Variants in ROBO2 observed in about 807,000 individuals in gnomAD.
ROBO2 encodes the protein roundabout guidance receptor 2, also known as roundabout homolog 2.
A neutral mutation model predicts 160.8 loss-of-function variants in ROBO2; 53 were observed. The ratio of observed to expected loss-of-function variants is 0.33; its 90% confidence interval spans 0.26 to 0.41. ROBO2 has a LOEUF of 0.41. Ranked by LOEUF, ROBO2 falls within the 10% of genes least tolerant of loss-of-function variation. ROBO2 has a pLI of 1.00. For missense variants in ROBO2, 1,577 were observed against 1,722.4 expected (o/e 0.92, Z 1.49); for synonymous variants, 664 against 611.7 (o/e 1.09, Z -1.26).
In ROBO2 at chr3:77,257,763, A is replaced by G. The variant is rs1259554203; in HGVS notation, c.388+159423A>G. Among the ~76,000 whole-genome samples the G allele has an allele frequency of 2.6e-5, 4 of 152,194 alleles. No homozygotes were observed. In the South Asian group the frequency reaches 6.2e-4, roughly 24 times the overall value. On this transcript the variant is annotated intron_variant, in intron 2 of 25. Coordinates refer to ENST00000461745, the Ensembl canonical transcript of ROBO2. ...TGATTTTCTAATTCCAACTTACAAG[A>G]TAAGAGATAAGTGGCGTAATTGAAG...
intron 2 of ROBO2, among the ~76,000 whole-genome samples, chr3:76,032,045 G>T (rs1219318502): frequency 6.6e-6 from 1 of 152,098 alleles, no homozygotes; most frequent in Non-Finnish European, 1.5e-5. Context: ...CCTGTTATTG[G>T]TCTATTCAGA....
intron 1 of ROBO2, among the ~76,000 whole-genome samples, chr3:75,918,595 A>C (rs2106805302): frequency 6.6e-6 from 1 of 152,292 alleles, no homozygotes; most frequent in South Asian, 2.1e-4. Context: ...CTTGATGGGA[A>C]TAGCATTGAA....
chr3:77,052,126 G>T, intron 1 of ROBO2, among the ~76,000 whole-genome samples: 1 of 152,142 alleles, frequency 6.6e-6, no homozygotes, highest in East Asian at 1.9e-4. Context: ...CACTGGTTTA[G>T]TCCCTTCTTA....
chr3:76,248,142 T>C (rs199853140), intron 2 of ROBO2, among the ~76,000 whole-genome samples: 1 of 151,140 alleles, frequency 6.6e-6, no homozygotes, highest in Non-Finnish European at 1.5e-5. Flanking sequence ...CATTACTGGG[T>C]ATATACCCAA....
intron 2 of ROBO2, among the ~76,000 whole-genome samples, chr3:77,236,597 T>A (rs937627763): frequency 3.3e-5 from 5 of 152,190 alleles, no homozygotes; most frequent in African/African-American, 1.2e-4. Context: ...TGGTAGGCAT[T>A]CTATGGACTT....
At chr3:76,621,467 G>C (rs180932110) in intron 2 of ROBO2, among the ~76,000 whole-genome samples, 34 of 152,312 alleles carry the variant, frequency 2.2e-4, no homozygotes, top group African/African-American at 6.5e-4. Flanking sequence ...ATGGTGAATA[G>C]CTCTGATGAT....
At chr3:77,015,515 C>T (rs1478254626) in intron 2 of ROBO2, among the ~76,000 whole-genome samples, 3 of 152,124 alleles carry the variant, frequency 2.0e-5, no homozygotes, top group Non-Finnish European at 4.4e-5. Flanking sequence ...TATAGCAGCT[C>T]TATGCAAATT....
chr3:76,850,903 C>A (rs969928481), intron 2 of ROBO2, among the ~76,000 whole-genome samples: 6 of 152,200 alleles, frequency 3.9e-5, no homozygotes, highest in Non-Finnish European at 8.8e-5. Flanking sequence ...GCAACAAGAA[C>A]ACTTGCCTTC....
chr3:76,985,274 A>T (rs1338500261), intron 2 of ROBO2, among the ~76,000 whole-genome samples: 1 of 152,144 alleles, frequency 6.6e-6, no homozygotes, highest in Non-Finnish European at 1.5e-5. Flanking sequence ...AATATTGGCT[A>T]TGAAATTTAT....
At chr3:76,289,896 T>C (rs1708719360) in intron 2 of ROBO2, among the ~76,000 whole-genome samples, 1 of 152,206 alleles carries the variant, frequency 6.6e-6, no homozygotes, top group Non-Finnish European at 1.5e-5. Flanking sequence ...TACTGTAGTC[T>C]TAGAATGTAG....
intron 2 of ROBO2, among the ~76,000 whole-genome samples, chr3:76,394,012 A>T (rs941011473): frequency 6.6e-6 from 1 of 152,126 alleles, no homozygotes; most frequent in African/African-American, 2.4e-5. Context: ...TTTTGAGCCT[A>T]TGTGTGTCTC....
intron 2 of ROBO2, among the ~76,000 whole-genome samples, chr3:77,319,210 A>G (rs1288601744): frequency 1.3e-5 from 2 of 152,210 alleles, no homozygotes; most frequent in Non-Finnish European, 2.9e-5. Flanking sequence ...AATCTAATGA[A>G]AGTAAAAGAT....
chr3:76,877,272 A>C (rs1183525884), intron 2 of ROBO2, among the ~76,000 whole-genome samples: 1 of 152,210 alleles, frequency 6.6e-6, no homozygotes, highest in Non-Finnish European at 1.5e-5. Context: ...GGTTCTAGTC[A>C]AAAGATGGTA....
intron 2 of ROBO2, among the ~76,000 whole-genome samples, chr3:76,591,023 G>A (rs1003016451): frequency 1.7e-4 from 26 of 152,120 alleles, no homozygotes; most frequent in African/African-American, 6.3e-4. Context: ...GAGGTTTGGG[G>A]TTGCCTACTC....
chr3:76,733,729 A>T (rs1051235398), intron 2 of ROBO2, among the ~76,000 whole-genome samples: 37 of 152,144 alleles, frequency 2.4e-4, no homozygotes, highest in African/African-American at 8.0e-4. Context: ...TTCATGTGGG[A>T]ATTTTTTTTG....
Position 76,491,204 on chromosome 3 carries a change from C to T in ROBO2, c.109+553602C>T, listed in dbSNP as rs1057033665. Among the ~76,000 whole-genome samples, 39 of 152,154 alleles carry T rather than the reference C, an allele frequency of 2.6e-4. 1 individual carries two copies. Among genetic ancestry groups the T allele is most frequent in the Admixed American group, 3.3e-4 (5 of 15,280 alleles). On this transcript the variant is annotated intron_variant, in intron 2 of 26. Transcript: ENST00000487694. ...TGAACTCCTGACCTTGTGATCCGAC[C>T]TCCCAAAGTGCTGGGATTGCAGGCA...
intron 2 of ROBO2, among the ~76,000 whole-genome samples, chr3:77,416,716 CAAAAAA>C (rs61204363): frequency 1.1e-5 from 1 of 90,050 alleles, no homozygotes; most frequent in Admixed American, 1.3e-4. Context: ...GATTCCATCT[CAAAAAA>C]AAAAAAAAAA....
chr3:76,961,525 G>T (rs918890420), intron 2 of ROBO2, among the ~76,000 whole-genome samples: 1 of 152,146 alleles, frequency 6.6e-6, no homozygotes, highest in African/African-American at 2.4e-5. Context: ...TATGATAATT[G>T]TTCCCAGTTT....
At chr3:77,630,644 G>A (rs986116454) in intron 23 of ROBO2, 1 of 152,108 alleles carries the variant, frequency 6.6e-6, no homozygotes, top group African/African-American at 2.4e-5. Flanking sequence ...GCATTGGCTA[G>A]CTGGGTAAGG....
Sources: gnomAD v4.1 joint callset for allele counts (sites outside exome capture counted in the v4.1 genomes callset) on GRCh38, gnomAD v4.1.1 for gene constraint, MANE v1.5 for transcripts, NCBI Gene and HGNC (gene_info 2026-07-23, HGNC 2026-07-21) for gene names.